HERC5: variants seen among roughly 807,000 people sequenced by gnomAD.
HERC5 encodes E3 ISG15--protein ligase HERC5.
Under a neutral mutation model 119.6 loss-of-function variants are expected in HERC5, and 99 were observed. That is an observed-to-expected ratio of 0.83 (90% CI 0.70 to 0.98). The LOEUF (loss-of-function observed/expected upper bound fraction) is 0.98. Among genes scored for constraint, HERC5 ranks in the 50% least tolerant of loss-of-function variants. The pLI is 0.00. For synonymous variants in HERC5, 478 were observed against 445.9 expected (o/e 1.07, Z -0.91); for missense variants, 1,267 against 1,241.3 (o/e 1.02, Z -0.31).
chr4:88,501,982 T>G (rs886217942), intron 20 of HERC5, among the ~76,000 whole-genome samples: 2 of 152,148 alleles, frequency 1.3e-5, no homozygotes, highest in African/African-American at 4.8e-5. Context: ...GTATTTTTAG[T>G]AGAGACAGGG....
At chr4:88,479,810 G>C (rs1185934697) in intron 13 of HERC5, among the ~76,000 whole-genome samples, 1 of 152,130 alleles carries the variant, frequency 6.6e-6, no homozygotes, top group Non-Finnish European at 1.5e-5. Context: ...GCTCACGCCT[G>C]TCATCCTAGC....
rs1362496017 is a variant in HERC5, at chr4:88,469,449, A to C, written c.1238+189A>C. ...TGTCTGTCCATCTATGTATCTATGG[A>C]GGGGAGAGAGAGAGATTATTTTAAG... On this transcript the variant is annotated intron_variant, in intron 9 of 22. Transcript: ENST00000264350. 2.0e-5 allele frequency among the ~76,000 whole-genome samples: 3 copies of C among 152,016 alleles called. No homozygotes were observed. In the East Asian group the frequency reaches 5.8e-4, roughly 29 times the overall value.
rs759639763 is a variant in HERC5, at chr4:88,504,522, A to G, written c.2794A>G (p.Ser932Gly). The G allele has an allele frequency of 2.5e-6, 4 of 1,576,966 alleles. No individual in the cohort carries two copies. Among genetic ancestry groups the G allele is most frequent in the Non-Finnish European group, 3.4e-6 (4 of 1,164,172 alleles). The change falls in exon 22 of 23, where the codon AGT becomes GGT. Residue 932 changes from serine to glycine, a missense_variant. By Grantham distance (56) the Ser-to-Gly change is moderately conservative (BLOSUM62 0). Coordinates refer to ENST00000264350, the MANE Select transcript of HERC5 (RefSeq NM_016323.4). ...TGCACGTTATGAACCAGGATATAAC[A>G]GTTCACATCCCACCATAGTGATGTT... ...KNARYEPGYN[S>G]SHPTIVMFWK... is the part of the protein sequence containing the mutation.
chr4:88,463,927 AG>A lies in HERC5; in HGVS notation c.854del (p.Arg285AsnfsTer13). 6.2e-7 allele frequency: 1 copy of A among 1,614,026 alleles called. No homozygotes were observed. The highest frequency in any genetic ancestry group is 8.5e-7 in the Non-Finnish European group (1 of 1,179,990). ...TCATAATTCAACACAGAATGAGCTA[AG>A]ACCCTGTTTGGTGGCTGAGCTTGTT... The part of the protein sequence containing the change: ...LGHNSTQNEL[R>X]PCLVAELVGY... On this transcript the variant is annotated frameshift_variant, in exon 6 of 23. Transcript: ENST00000264350. LOFTEE classifies it high-confidence loss of function.
rs1307967392 is a variant in HERC5 at position 88,501,004 on chromosome 4, A to G, written c.2582+19A>G. The G allele has an allele frequency of 2.6e-6, 4 of 1,566,544 alleles. No homozygotes were observed. Among genetic ancestry groups the G allele is most frequent in the East Asian group, 2.2e-5 (1 of 44,480 alleles). The stretch of plus-strand genomic sequence containing the variant: ...CTAACAAGTAGGTACAAAAAATGAA[A>G]TAGTTGGTTTGTATATGTACTATTT... On this transcript the variant is annotated intron_variant, in intron 20 of 22. Coordinates refer to ENST00000264350, the MANE Select transcript of HERC5 (RefSeq NM_016323.4).
chr4:88,463,700 A>G, intron 5 of HERC5, 77 bp downstream of exon 5: 1 of 1,434,712 alleles, frequency 7.0e-7, no homozygotes, highest in Non-Finnish European at 9.7e-7. Flanking sequence ...TTCCCAGAGA[A>G]GAAAGGTCAT....
chr4:88,459,227 A>T, intron 1 of HERC5, 120 bp from the exon 2 acceptor site: 1 of 751,612 alleles, frequency 1.3e-6, no homozygotes, highest in Non-Finnish European at 2.0e-6. Context: ...AGTTCATGGT[A>T]AGTCAAAGCT....
At chr4:88,491,545 T>G (rs1741639540) in intron 16 of HERC5, among the ~76,000 whole-genome samples, 1 of 152,014 alleles carries the variant, frequency 6.6e-6, no homozygotes, top group African/African-American at 2.4e-5. Context: ...AGGGAGAAGA[T>G]TGTGTCAAGG....
chr4:88,457,929 C>G, intron 1 of HERC5: 1 of 1,010,618 alleles, frequency 9.9e-7, no homozygotes, highest in Middle Eastern at 4.9e-4. Context: ...GGGAGTCGTT[C>G]TCAGTGATGG....
chr4:88,503,864 A>G (rs992159309), intron 20 of HERC5, among the ~76,000 whole-genome samples: 11 of 152,156 alleles, frequency 7.2e-5, no homozygotes, highest in Non-Finnish European at 1.5e-4. Context: ...CAGGAGTTTG[A>G]GAGCAGCCTG....
rs531484290 is a variant in HERC5, at chr4:88,489,083, C to A, written c.1963-83C>A. On this transcript the variant is annotated intron_variant, in intron 15 of 22. Transcript: ENST00000264350. ...TGTGACCTGCACTTATAAGCAGAAC[C>A]AGTTTATTCTGCTTTCCAAATTTTT... The A allele has an allele frequency of 1.7e-4, 189 of 1,084,728 alleles. 1 individual carries two copies. The Middle Eastern group carries it at 2.7e-3, about 15-fold the overall frequency. 67.2% of individuals were successfully genotyped at this position (1,084,728 alleles called of 1,614,324 possible).
At chr4:88,489,056 A>G (rs1353528568) in intron 15 of HERC5, 110 bp from the exon 16 acceptor site, 1 of 782,840 alleles carries the variant, frequency 1.3e-6, no homozygotes, top group African/African-American at 1.8e-5. Flanking sequence ...TCTTTTCATA[A>G]ATGTGACCTG....
chr4:88,504,112 A>T, intron 20 of HERC5, 120 bp from the exon 21 acceptor site: 1 of 593,086 alleles, frequency 1.7e-6, no homozygotes, highest in Non-Finnish European at 2.9e-6. Flanking sequence ...TAACTATGAC[A>T]GTCCATGGCA....
In HERC5 at chr4:88,482,306, T is replaced by C. The variant is rs1331701240; in HGVS notation, c.1737+2799T>C. Among the ~76,000 whole-genome samples the C allele has an allele frequency of 2.1e-5, 3 of 143,152 alleles. No homozygotes were observed. In the East Asian group the frequency reaches 6.1e-4, roughly 29 times the overall value. 93.9% of individuals were successfully genotyped at this position (143,152 alleles called of 152,430 possible). A position where few individuals can be genotyped will look rare whatever the true frequency, so the allele number is the denominator to read the frequency against. ...GCCTGGGTGACAGAGCAAGACTCCA[T>C]CTCAAAAAAAAAAAAAAAGGGAAAA... On this transcript the variant is annotated intron_variant, in intron 13 of 22. Coordinates refer to ENST00000264350, the MANE Select transcript of HERC5 (RefSeq NM_016323.4).
chr4:88,492,902 A>G, intron 16 of HERC5, 110 bp from the exon 17 acceptor site: 2 of 1,046,668 alleles, frequency 1.9e-6, no homozygotes, highest in African/African-American at 1.6e-5. Context: ...AGTGCCTTCC[A>G]AATACTTGGG....
In HERC5 at chr4:88,457,215, CGG is replaced by C; in HGVS notation, c.-53_-52del. Reference sequence around the variant, plus strand: ...CTGAGGCAGTGGGCGCGCTCAGTCCCGGGACCAGGCGTTCTCTCCTCTCGCCT... The same window carrying C: ...CTGAGGCAGTGGGCGCGCTCAGTCCCGACCAGGCGTTCTCTCCTCTCGCCT... On this transcript the variant is annotated 5_prime_UTR_variant, in exon 1 of 23. Coordinates refer to ENST00000264350, the MANE Select transcript of HERC5 (RefSeq NM_016323.4). 1 of 1,265,770 alleles carries C rather than the reference CGG, an allele frequency of 7.9e-7. No individual in the cohort carries two copies. The highest frequency in any genetic ancestry group is 1.0e-6 in the Non-Finnish European group (1 of 1,003,656). 78.4% of individuals were successfully genotyped at this position (1,265,770 alleles called of 1,614,324 possible). A position where few individuals can be genotyped will look rare whatever the true frequency, so the allele number is the denominator to read the frequency against.
At chr4:88,485,820 T>C (rs1208857758) in intron 13 of HERC5, among the ~76,000 whole-genome samples, 2 of 152,004 alleles carry the variant, frequency 1.3e-5, no homozygotes, top group African/African-American at 4.8e-5. Flanking sequence ...CAGAGTACTT[T>C]GGGATATTGC....
rs953215644 is a variant in HERC5 at position 88,489,333 on chromosome 4, A to G, written c.2130A>G (p.Leu710=). 6 of 1,608,890 alleles carry G rather than the reference A, an allele frequency of 3.7e-6. No homozygotes were observed. Among genetic ancestry groups the G allele is most frequent in the East Asian group, 2.2e-5 (1 of 44,782 alleles). The part of the protein sequence containing the change: ...QFENEDLRKE[L]WVSFSGEIGY... ...AGAATGAAGACCTGAGGAAAGAGTT[A>G]TGGGTAAGGTGTAATTCTCACTTAA... is the stretch of plus-strand genomic sequence containing the variant. The change falls in exon 16 of 23, where the codon TTA becomes TTG. Residue 710 remains leucine, a synonymous_variant. Transcript: ENST00000264350.
At chr4:88,493,240 T>G in intron 17 of HERC5, 85 bp downstream of exon 17, 1 of 1,181,346 alleles carries the variant, frequency 8.5e-7, no homozygotes, top group Admixed American at 2.3e-5. Flanking sequence ...TCTAGACTAT[T>G]TCATGTTAGA....
Sources: gnomAD v4.1 joint callset for allele counts (sites outside exome capture counted in the v4.1 genomes callset) on GRCh38, gnomAD v4.1.1 for gene constraint, MANE v1.5 for transcripts, NCBI Gene and HGNC (gene_info 2026-07-23, HGNC 2026-07-21) for gene names.